The following SLC9A9 variants were observed in gnomAD, a reference collection of about 807,000 sequenced individuals.
SLC9A9 encodes the protein solute carrier family 9 member A9.
In SLC9A9, 62 loss-of-function variants were observed where a neutral mutation model predicts 77.8. The observed-to-expected ratio is 0.80, with a 90% CI of 0.65 to 0.98. The LOEUF (loss-of-function observed/expected upper bound fraction) is 0.98. SLC9A9 is among the 50% of genes least tolerant of loss of function. The pLI is 0.00. For synonymous variants in SLC9A9, 320 were observed against 283.5 expected, an observed-to-expected ratio of 1.13 and a Z score of -1.29; for missense variants, 775 against 774.9, an observed-to-expected ratio of 1.00 and a Z score of 0.00.
At chr3:143,312,904 C>T (rs140800668) in intron 14 of SLC9A9, among the ~76,000 whole-genome samples, 241 of 152,332 alleles carry the variant, frequency 1.6e-3, no homozygotes, top group Admixed American at 2.7e-3. Context: ...TCCCCAAGAA[C>T]ATACTCTTCT....
intron 9 of SLC9A9, among the ~76,000 whole-genome samples, chr3:143,530,658 C>CAAA (rs1553763950): frequency 7.2e-6 from 1 of 137,974 alleles, no homozygotes; most frequent in African/African-American, 2.6e-5. Flanking sequence ...CAAAACAAAA[C>CAAA]AAACAAACAA....
chr3:143,787,364 A>G (rs2008085033), intron 4 of SLC9A9, among the ~76,000 whole-genome samples: 1 of 152,176 alleles, frequency 6.6e-6, no homozygotes, highest in Admixed American at 6.5e-5. Flanking sequence ...ATTTGTCTTT[A>G]TTTGTTTCTT....
intron 11 of SLC9A9, among the ~76,000 whole-genome samples, chr3:143,476,026 C>T (rs578157334): frequency 6.6e-6 from 1 of 151,692 alleles, no homozygotes; most frequent in South Asian, 2.1e-4. Context: ...GTCTTATTAT[C>T]AATCTGTTAA....
chr3:143,708,353 G>C (rs1009090844), intron 4 of SLC9A9, among the ~76,000 whole-genome samples: 1 of 152,004 alleles, frequency 6.6e-6, no homozygotes, highest in Admixed American at 6.6e-5. Flanking sequence ...TGCGAGACTC[G>C]GTCACATTCA....
chr3:143,339,442 A>AT (rs1188322302), intron 14 of SLC9A9, among the ~76,000 whole-genome samples: 1 of 151,984 alleles, frequency 6.6e-6, no homozygotes, highest in Non-Finnish European at 1.5e-5. Flanking sequence ...TTGGTTGAGG[A>AT]TTTTCTCTGC....
intron 2 of SLC9A9, among the ~76,000 whole-genome samples, chr3:143,826,863 A>G (rs1194459043): frequency 6.6e-6 from 1 of 152,152 alleles, no homozygotes; most frequent in Non-Finnish European, 1.5e-5. Context: ...ACCCTTAATA[A>G]GAGACCATAC....
At chr3:143,742,718 T>G (rs2108817791) in intron 4 of SLC9A9, among the ~76,000 whole-genome samples, 1 of 152,278 alleles carries the variant, frequency 6.6e-6, no homozygotes, top group African/African-American at 2.4e-5. Flanking sequence ...CAATTAATAA[T>G]ATACCAAAAT....
intron 12 of SLC9A9, among the ~76,000 whole-genome samples, chr3:143,448,089 T>C (rs2034877348): frequency 1.3e-5 from 2 of 152,130 alleles, no homozygotes; most frequent in African/African-American, 4.8e-5. Context: ...ATGGTAGCCA[T>C]GGGTGGAGAT....
At chr3:143,488,712 A>G (rs1376101544) in intron 11 of SLC9A9, among the ~76,000 whole-genome samples, 1 of 151,928 alleles carries the variant, frequency 6.6e-6, no homozygotes, top group Non-Finnish European at 1.5e-5. Flanking sequence ...TGATAAAAAA[A>G]ACAACCAACT....
intron 9 of SLC9A9, among the ~76,000 whole-genome samples, chr3:143,528,112 G>C (rs2036436046): frequency 6.6e-6 from 1 of 152,164 alleles, no homozygotes; most frequent in South Asian, 2.1e-4. Flanking sequence ...TTGCAGGAAT[G>C]ACAGTTACTC....
intron 4 of SLC9A9, among the ~76,000 whole-genome samples, chr3:143,728,137 G>T (rs1325631212): frequency 6.6e-6 from 1 of 152,192 alleles, no homozygotes; most frequent in Non-Finnish European, 1.5e-5. Flanking sequence ...ACTATTCTGG[G>T]TGAGGCACTC....
intron 12 of SLC9A9, among the ~76,000 whole-genome samples, chr3:143,432,440 G>A (rs1293399294): frequency 6.6e-6 from 1 of 152,122 alleles, no homozygotes; most frequent in Non-Finnish European, 1.5e-5. Context: ...AATGAGAACT[G>A]CAACACTGAT....
chr3:143,276,316 G>A (rs937812052), intron 14 of SLC9A9, among the ~76,000 whole-genome samples: 7 of 152,174 alleles, frequency 4.6e-5, no homozygotes, highest in African/African-American at 1.7e-4. Flanking sequence ...AGGTCCATCC[G>A]ATGCTACTCC....
At chr3:143,382,850 T>C (rs554761812) in intron 12 of SLC9A9, among the ~76,000 whole-genome samples, 2 of 152,346 alleles carry the variant, frequency 1.3e-5, no homozygotes, top group South Asian at 4.1e-4. Context: ...CTTTATATGA[T>C]AATGATTTTG....
At chr3:143,443,346 A>T (rs563161579) in intron 12 of SLC9A9, among the ~76,000 whole-genome samples, 1 of 151,430 alleles carries the variant, frequency 6.6e-6, no homozygotes, top group African/African-American at 2.4e-5. Context: ...TTTTTTTTTT[A>T]AAGGTTTTCA....
chr3:143,416,925 A>G (rs1372057146), intron 12 of SLC9A9, among the ~76,000 whole-genome samples: 6 of 152,180 alleles, frequency 3.9e-5, no homozygotes, highest in Admixed American at 6.5e-5. Flanking sequence ...AGCTAGACTG[A>G]AAAGAGTCTA....
intron 12 of SLC9A9, among the ~76,000 whole-genome samples, chr3:143,452,891 A>T (rs1469967699): frequency 1.3e-5 from 2 of 152,136 alleles, no homozygotes; most frequent in African/African-American, 4.8e-5. Flanking sequence ...TTCTTAGAAG[A>T]TGCATGCTTT....
chr3:143,657,633 G>T (rs1197839660), intron 5 of SLC9A9, among the ~76,000 whole-genome samples: 1 of 152,208 alleles, frequency 6.6e-6, no homozygotes, highest in African/African-American at 2.4e-5. Context: ...CAGATTGAAT[G>T]CAGAAGCAAG....
intron 4 of SLC9A9, among the ~76,000 whole-genome samples, chr3:143,757,968 G>A (rs965493886): frequency 2.6e-5 from 4 of 152,062 alleles, no homozygotes; most frequent in Non-Finnish European, 5.9e-5. Context: ...GGCTGAACCC[G>A]TCATCTTTGT....
Sources: gnomAD v4.1 joint callset for allele counts (sites outside exome capture counted in the v4.1 genomes callset) on GRCh38, gnomAD v4.1.1 for gene constraint, MANE v1.5 for transcripts, NCBI Gene and HGNC (gene_info 2026-07-23, HGNC 2026-07-21) for gene names.